LTBP1: variants seen among roughly 807,000 people sequenced by gnomAD.
LTBP1 encodes the protein latent transforming growth factor beta binding protein 1.
A neutral mutation model predicts 207.6 loss-of-function variants in LTBP1; 129 were observed. That is an observed-to-expected ratio of 0.62 (90% CI 0.54 to 0.72). The LOEUF is 0.72. Among genes scored for constraint, LTBP1 ranks in the 30% least tolerant of loss-of-function variants. LTBP1 has a pLI of 0.00. For synonymous variants in LTBP1, 963 were observed against 833.7 expected (o/e 1.16, Z -2.67); for missense variants, 2,281 against 2,217.2 (o/e 1.03, Z -0.58).
intron 19 of LTBP1, among the ~76,000 whole-genome samples, chr2:33,292,032 G>T (rs1220696930): frequency 6.6e-6 from 1 of 152,094 alleles, no homozygotes; most frequent in Non-Finnish European, 1.5e-5. Flanking sequence ...TTGTGTTATT[G>T]TATGTGTAGT....
chr2:33,095,260 G>A (rs1329487492), intron 3 of LTBP1, among the ~76,000 whole-genome samples: 1 of 152,122 alleles, frequency 6.6e-6, no homozygotes, highest in African/African-American at 2.4e-5. Flanking sequence ...GCATTTGAGA[G>A]CAATAAAAAG....
intron 2 of LTBP1, among the ~76,000 whole-genome samples, chr2:33,001,181 A>G (rs1170422467): frequency 3.7e-5 from 5 of 135,398 alleles, no homozygotes; most frequent in African/African-American, 5.2e-5. Context: ...ATTTGCCCCA[A>G]TTACCAAATT....
In LTBP1 at chr2:32,947,305, C is replaced by G; in HGVS notation, c.-20C>G. The G allele has an allele frequency of 2.5e-6, 3 of 1,222,410 alleles. No individual in the cohort carries two copies. The highest frequency in any genetic ancestry group is 3.6e-5 in the South Asian group (1 of 27,432). 75.7% of individuals were successfully genotyped at this position (1,222,410 alleles called of 1,614,324 possible). On this transcript the variant is annotated 5_prime_UTR_variant, in exon 1 of 34. Transcript: ENST00000404816. Reference sequence around the variant, plus strand: ...GGGGGCCGGACCGCGCGCGACCGGTCGCGCCCGCTGGGGCCCGCGATGGCG... The same window carrying G: ...GGGGGCCGGACCGCGCGCGACCGGTGGCGCCCGCTGGGGCCCGCGATGGCG...
At chr2:33,378,487 C>T (rs978302543) in intron 31 of LTBP1, among the ~76,000 whole-genome samples, 2 of 152,088 alleles carry the variant, frequency 1.3e-5, no homozygotes, top group African/African-American at 4.8e-5. Flanking sequence ...CCGCCTCAGC[C>T]TCCCAAAGTG....
intron 3 of LTBP1, among the ~76,000 whole-genome samples, chr2:33,046,473 C>T (rs1438391492): frequency 2.6e-5 from 4 of 152,122 alleles, no homozygotes; most frequent in African/African-American, 4.8e-5. Flanking sequence ...CCGACTTGAT[C>T]GTGGTGGATA....
intron 26 of LTBP1, among the ~76,000 whole-genome samples, chr2:33,358,600 T>C (rs1002726501): frequency 1.3e-5 from 2 of 152,072 alleles, no homozygotes; most frequent in South Asian, 2.1e-4. Flanking sequence ...ACTTTGTACA[T>C]GAGGGAAAAA....
intron 2 of LTBP1, among the ~76,000 whole-genome samples, chr2:32,989,411 A>G (rs866292614): frequency 2.6e-5 from 4 of 152,320 alleles, no homozygotes; most frequent in Middle Eastern, 3.4e-3. Context: ...TACATCTTAC[A>G]TGGTGTATAT....
At position 32,999,899 on chromosome 2, in the gene LTBP1, GT is replaced by G. The variant is rs1363027375; in HGVS notation, c.566-21008del. ...GATCGAGGGAGGCACAGACAACAGC[GT>G]TGTGTGTGTTGGAGGGATGGAATGT... On this transcript the variant is annotated intron_variant, in intron 2 of 33. Transcript: ENST00000404816. Among the ~76,000 whole-genome samples the G allele has an allele frequency of 3.0e-5, 4 of 133,964 alleles. 1 individual carries two copies. The highest frequency in any genetic ancestry group is 4.9e-5 in the Non-Finnish European group (3 of 61,040). The allele number at this position is 133,964 out of a possible 152,430, so 87.9% of individuals were successfully genotyped here.
At chr2:33,329,828 T>C (rs920585946) in intron 24 of LTBP1, among the ~76,000 whole-genome samples, 1 of 152,112 alleles carries the variant, frequency 6.6e-6, no homozygotes, top group African/African-American at 2.4e-5. Flanking sequence ...TTCTAACTTC[T>C]TCAATTCTGT....
At chr2:32,990,335 A>T (rs1369733270) in intron 2 of LTBP1, among the ~76,000 whole-genome samples, 1 of 152,208 alleles carries the variant, frequency 6.6e-6, no homozygotes, top group Non-Finnish European at 1.5e-5. Flanking sequence ...TTCAGATGTC[A>T]ACATAGTGAT....
At chr2:33,219,350 C>A (rs1573252238) in intron 8 of LTBP1, among the ~76,000 whole-genome samples, 4 of 152,194 alleles carry the variant, frequency 2.6e-5, no homozygotes, top group Admixed American at 2.6e-4. Context: ...ACTGGAAGAT[C>A]CATTTGCTTA....
At chr2:33,135,083 G>A in intron 5 of LTBP1, 123 bp downstream of exon 5, 1 of 999,682 alleles carries the variant, frequency 1.0e-6, no homozygotes, top group Non-Finnish European at 1.4e-6. Flanking sequence ...ATGAGTACGA[G>A]TATGTTTCTT....
At chr2:33,011,922 T>C (rs1377104097) in intron 2 of LTBP1, among the ~76,000 whole-genome samples, 1 of 152,170 alleles carries the variant, frequency 6.6e-6, no homozygotes, top group Non-Finnish European at 1.5e-5. Context: ...GGTCCGTGTG[T>C]TATTTATTTC....
At chr2:33,346,609 G>T (rs542004273) in intron 25 of LTBP1, among the ~76,000 whole-genome samples, 7 of 152,020 alleles carry the variant, frequency 4.6e-5, no homozygotes, top group Non-Finnish European at 1.0e-4. Context: ...ACTTGAACCC[G>T]GGAGACAGAG....
chr2:33,190,349 T>G (rs1026630310), intron 7 of LTBP1, among the ~76,000 whole-genome samples: 1 of 152,188 alleles, frequency 6.6e-6, no homozygotes. Flanking sequence ...CGTGTGTGTG[T>G]GTATATGCGC....
At chr2:33,338,153 G>A (rs1037092746) in intron 24 of LTBP1, among the ~76,000 whole-genome samples, 3 of 152,140 alleles carry the variant, frequency 2.0e-5, no homozygotes, top group Non-Finnish European at 4.4e-5. Context: ...ATTAGTTGCT[G>A]AAGAGCTAGT....
At chr2:33,290,280 C>T (rs2093749230) in intron 19 of LTBP1, among the ~76,000 whole-genome samples, 1 of 152,194 alleles carries the variant, frequency 6.6e-6, no homozygotes, top group Admixed American at 6.5e-5. Context: ...ACAACCAAGC[C>T]TCAACATGAG....
intron 26 of LTBP1, among the ~76,000 whole-genome samples, chr2:33,353,563 C>G (rs570167326): frequency 1.3e-5 from 2 of 152,086 alleles, no homozygotes; most frequent in Non-Finnish European, 2.9e-5. Context: ...CCTTTCATAA[C>G]CCATCCCTCC....
At chr2:33,219,837 A>G (rs1211163366) in intron 8 of LTBP1, among the ~76,000 whole-genome samples, 3 of 152,086 alleles carry the variant, frequency 2.0e-5, no homozygotes, top group Non-Finnish European at 2.9e-5. Flanking sequence ...ATTAAAGGTA[A>G]AGAGATTCCT....
Sources: gnomAD v4.1 joint callset for allele counts (sites outside exome capture counted in the v4.1 genomes callset) on GRCh38, gnomAD v4.1.1 for gene constraint, MANE v1.5 for transcripts, NCBI Gene and HGNC (gene_info 2026-07-23, HGNC 2026-07-21) for gene names.